Variants in TP53BP1 observed in about 807,000 individuals in gnomAD.
TP53BP1 encodes tumor protein p53 binding protein 1, also known as TP53-binding protein 1.
In TP53BP1, 61 loss-of-function variants were observed where a neutral mutation model predicts 200.8. The ratio of observed to expected loss-of-function variants is 0.30; its 90% CI spans 0.25 to 0.38. The LOEUF (loss-of-function observed/expected upper bound fraction) is 0.38. Ranked by LOEUF, TP53BP1 falls within the 10% of genes least tolerant of loss-of-function variation. The pLI is 1.00. For missense variants in TP53BP1, 2,144 were observed against 2,371.9 expected (o/e 0.90, Z 2.00); for synonymous variants, 822 against 844.3 (o/e 0.97, Z 0.46).
intron 1 of TP53BP1, among the ~76,000 whole-genome samples, chr15:43,500,098 CACACCTCTCTCCCAAATTACCAATTTATG>C: frequency 6.6e-6 from 1 of 152,268 alleles, no homozygotes; most frequent in African/African-American, 2.4e-5. Flanking sequence ...GTCTTTGACC[CACACCTCTCTCCCAAATTACCAATTTATG>C]TATCTAACTG....
intron 1 of TP53BP1, among the ~76,000 whole-genome samples, chr15:43,504,411 G>T (rs2079225657): frequency 6.6e-6 from 1 of 152,092 alleles, no homozygotes; most frequent in South Asian, 2.1e-4. Flanking sequence ...TATAAGGTGG[G>T]GTGCTATTAT....
chr15:43,443,537 CA>C (rs1259616687), intron 14 of TP53BP1, among the ~76,000 whole-genome samples: 7 of 151,898 alleles, frequency 4.6e-5, no homozygotes, highest in African/African-American at 1.5e-4. Flanking sequence ...ATAATAAATA[CA>C]AAAATTAACC....
chr15:43,491,896 G>T, intron 3 of TP53BP1, 106 bp downstream of exon 3: 1 of 1,103,242 alleles, frequency 9.1e-7, no homozygotes, highest in Non-Finnish European at 1.4e-6. Flanking sequence ...ACCACAGTAG[G>T]CTTCCTTACA....
At chr15:43,468,762 CT>C (rs759113635) in intron 11 of TP53BP1, among the ~76,000 whole-genome samples, 1 of 152,148 alleles carries the variant, frequency 6.6e-6, no homozygotes, top group Non-Finnish European at 1.5e-5. Context: ...CATCATTTGA[CT>C]GATGAGCAAA....
upstream of TP53BP1, chr15:43,493,260 G>A: frequency 7.1e-7 from 1 of 1,416,580 alleles, no homozygotes; most frequent in Non-Finnish European, 9.2e-7. Context: ...AGAGTGCCCT[G>A]CCCCACGTAA....
Position 43,459,681 on chromosome 15 carries a change from T to A in TP53BP1, c.1390-2463A>T, listed in dbSNP as rs76518840. Among the ~76,000 whole-genome samples the A allele has an allele frequency of 4.1e-3, 624 of 151,874 alleles. 3 individuals carry two copies. The highest frequency in any genetic ancestry group is 6.8e-3 in the Non-Finnish European group (461 of 67,914). ...AATTCTTTTTTTTCTTTTTTTTTTT[T>A]AAAGACAAGGCTTCACTCTGTTGCC... On this transcript the variant is annotated intron_variant, in intron 11 of 27. Coordinates refer to ENST00000382044, the MANE Select transcript of TP53BP1 (RefSeq NM_001141980.3).
chr15:43,474,706 G>C lies in TP53BP1; in HGVS notation c.1147C>G (p.Pro383Ala), dbSNP rs2046813670. 6.2e-7 allele frequency: 1 copy of C among 1,613,434 alleles called. No homozygotes were observed. The highest frequency in any genetic ancestry group is 2.2e-5 in the East Asian group (1 of 44,876). ...DAFRSTPFIV[P>A]SSPTEQEGRQ... ...CCTTCTTGCTCTGTGGGACTGCTAGGAACGATAAAAGGAGTAGATCGGAAA... is the reference window on the plus strand; with the variant it reads ...CCTTCTTGCTCTGTGGGACTGCTAGCAACGATAAAAGGAGTAGATCGGAAA... The change falls in exon 10 of 28, where the codon CCT becomes GCT. Residue 383 changes from proline to alanine, a missense_variant. Pro to Ala is a conservative substitution (Grantham distance 27). This residue lies in a region of TP53BP1 where 1,700 missense variants were observed against 1,710.3 expected (regional missense o/e 0.99). Transcript: ENST00000382044.
intron 1 of TP53BP1, among the ~76,000 whole-genome samples, chr15:43,507,042 TTAC>T (rs1017130829): frequency 2.0e-5 from 3 of 152,216 alleles, no homozygotes; most frequent in African/African-American, 7.2e-5. Context: ...CTTGAGCCAC[TTAC>T]TCGAGCCCAC....
chr15:43,480,129 T>A lies in TP53BP1; in HGVS notation c.500-112A>T, dbSNP rs1045460947. On this transcript the variant is annotated intron_variant, in intron 5 of 27. Transcript: ENST00000382044. ...TTAAGTCCTTCACATCAAAGCCCTG[T>A]GCACCCCCCAAATTTTTCAAAAATA... is the stretch of plus-strand genomic sequence containing the variant. 2.7e-5 allele frequency: 25 copies of A among 927,858 alleles called. No homozygotes were observed. In the Admixed American group the frequency reaches 7.0e-4, roughly 26 times the overall value. 57.5% of individuals were successfully genotyped at this position (927,858 alleles called of 1,614,324 possible).
chr15:43,507,146 T>A (rs937860250), intron 1 of TP53BP1, among the ~76,000 whole-genome samples: 1 of 152,130 alleles, frequency 6.6e-6, no homozygotes, highest in African/African-American at 2.4e-5. Context: ...TTCTCTTTTT[T>A]TTTTTTGAGA....
chr15:43,474,488 AG>A (rs1370341053), intron 10 of TP53BP1, among the ~76,000 whole-genome samples, 184 bp downstream of exon 10: 4 of 152,068 alleles, frequency 2.6e-5, no homozygotes, highest in African/African-American at 9.7e-5. Context: ...AGGAAGGAAA[AG>A]CAAAGAACTG....
chr15:43,432,250 T>TC lies in TP53BP1; in HGVS notation c.3618dup (p.Ser1207GlufsTer3). ...GGAGCACTGACTGGTTTCTCACCAC[T>TC]CCCCCTCTCAGTCTGAACTGTGGCA... On this transcript the variant is annotated frameshift_variant, in exon 17 of 28. Transcript: ENST00000382044. 6.2e-7 allele frequency: 1 copy of TC among 1,614,078 alleles called. No individual in the cohort carries two copies.
At chr15:43,460,495 G>A (rs1040586466) in intron 11 of TP53BP1, among the ~76,000 whole-genome samples, 2 of 152,124 alleles carry the variant, frequency 1.3e-5, no homozygotes, top group African/African-American at 4.8e-5. Context: ...CTGGGCTTGA[G>A]CAATCTGCCC....
intron 10 of TP53BP1, among the ~76,000 whole-genome samples, chr15:43,472,360 T>A (rs576120151): frequency 6.6e-6 from 1 of 152,284 alleles, no homozygotes; most frequent in African/African-American, 2.4e-5. Context: ...AGTGAAAAGA[T>A]GAAAATCATA....
intron 1 of TP53BP1, among the ~76,000 whole-genome samples, chr15:43,505,022 AAAAT>A (rs2079228969): frequency 6.6e-6 from 1 of 152,222 alleles, no homozygotes; most frequent in African/African-American, 2.4e-5. Flanking sequence ...TCCGTTTCAA[AAAAT>A]AAATAAATAA....
chr15:43,412,833 A>G, intron 24 of TP53BP1: 1 of 528,794 alleles, frequency 1.9e-6, no homozygotes, highest in South Asian at 1.5e-5. Flanking sequence ...CAATTATTTA[A>G]CCTTTAACCT....
Position 43,485,521 on chromosome 15 carries a change from G to A in TP53BP1, c.372-4499C>T, listed in dbSNP as rs529057105. On this transcript the variant is annotated intron_variant, in intron 4 of 27. Transcript: ENST00000382044. ...GAACCCAGGAGGCGGAGCTTGCAGT[G>A]AGCCGAGATCGTGCCACTGCACTCC... Among the ~76,000 whole-genome samples, 8 of 147,176 alleles carry A rather than the reference G, an allele frequency of 5.4e-5. No individual in the cohort carries two copies. The East Asian group carries it at 1.4e-3, about 26-fold the overall frequency.
intron 11 of TP53BP1, among the ~76,000 whole-genome samples, chr15:43,460,331 G>C (rs2046400742): frequency 1.3e-5 from 2 of 152,112 alleles, no homozygotes; most frequent in African/African-American, 4.8e-5. Context: ...CTTAATCACG[G>C]CTCATTGCAG....
At chr15:43,466,877 C>G (rs972065266) in intron 11 of TP53BP1, among the ~76,000 whole-genome samples, 2 of 152,066 alleles carry the variant, frequency 1.3e-5, no homozygotes, top group African/African-American at 2.4e-5. Context: ...AAAATATAAT[C>G]ATGCTATGTA....
Sources: allele counts gnomAD v4.1 joint callset (sites outside exome capture counted in the v4.1 genomes callset), GRCh38; gene constraint gnomAD v4.1.1; regional missense constraint gnomAD v4.1.1; transcripts MANE v1.5; gene names NCBI Gene and HGNC (gene_info 2026-07-23, HGNC 2026-07-21).